The following KLHL1 variants were observed in gnomAD, a reference collection of about 807,000 sequenced individuals.
The protein encoded by KLHL1 is kelch like family member 1, also known as kelch-like protein 1.
KLHL1 carries 47 observed loss-of-function variants against 77.7 expected under a neutral mutation model. The ratio of observed to expected loss-of-function variants is 0.60; its 90% CI spans 0.48 to 0.77. The LOEUF is 0.77. Ranked by LOEUF, KLHL1 falls within the 30% of genes least tolerant of loss-of-function variation. KLHL1 has a pLI of 0.00. For missense variants in KLHL1, 925 were observed against 910.8 expected (o/e 1.02, Z -0.20); for synonymous variants, 360 against 325.2 (o/e 1.11, Z -1.15).
intron 6 of KLHL1, among the ~76,000 whole-genome samples, chr13:69,805,697 A>T (rs73212517): frequency 1.3e-5 from 2 of 150,720 alleles, no homozygotes; most frequent in South Asian, 2.1e-4. Context: ...AAAACAAAAA[A>T]AAAAACAAAA....
chr13:69,931,826 TA>T (rs1821674395), intron 4 of KLHL1, among the ~76,000 whole-genome samples: 1 of 151,748 alleles, frequency 6.6e-6, no homozygotes, highest in Admixed American at 6.6e-5. Context: ...GAAATTATGT[TA>T]CCTGTTAAAA....
At chr13:69,893,266 C>T (rs1186780046) in intron 4 of KLHL1, among the ~76,000 whole-genome samples, 1 of 142,068 alleles carries the variant, frequency 7.0e-6, no homozygotes, top group African/African-American at 2.6e-5. Flanking sequence ...CTCGCTCTGT[C>T]GCCCAGGCCG....
chr13:69,799,166 A>T (rs920902401), intron 6 of KLHL1, among the ~76,000 whole-genome samples: 1 of 152,156 alleles, frequency 6.6e-6, no homozygotes, highest in Non-Finnish European at 1.5e-5. Context: ...AGAAGAAAGT[A>T]ATCTAATCCT....
Position 69,864,623 on chromosome 13 carries a change from C to T in KLHL1, c.1227+17660G>A, listed in dbSNP as rs117542059. Among the ~76,000 whole-genome samples the T allele has an allele frequency of 5.0e-3, 765 of 152,190 alleles. 1 individual carries two copies. The highest frequency in any genetic ancestry group is 0.012 in the Admixed American group (189 of 15,266). On this transcript the variant is annotated intron_variant, in intron 5 of 10. Transcript: ENST00000377844. Reference sequence around the variant, plus strand: ...TACTGGTTCAAAAAAATTCCATACTCACAAGGTAAAGACTACTAATAAAGT... The same window carrying T: ...TACTGGTTCAAAAAAATTCCATACTTACAAGGTAAAGACTACTAATAAAGT...
intron 1 of KLHL1, among the ~76,000 whole-genome samples, chr13:70,001,135 G>T (rs1040232504): frequency 2.0e-5 from 3 of 150,890 alleles, no homozygotes; most frequent in Admixed American, 6.6e-5. Flanking sequence ...TTATTTTAGA[G>T]ATATTGTTAT....
chr13:70,102,965 T>C (rs1887959409), intron 1 of KLHL1, among the ~76,000 whole-genome samples: 1 of 152,156 alleles, frequency 6.6e-6, no homozygotes, highest in Non-Finnish European at 1.5e-5. Context: ...GGAAATTCAC[T>C]TACAGACAAA....
At chr13:69,839,207 T>A in intron 5 of KLHL1, 45 bp from the exon 6 acceptor site, 1 of 1,295,272 alleles carries the variant, frequency 7.7e-7, no homozygotes, top group East Asian at 2.4e-5. Flanking sequence ...TTCAAAGAGA[T>A]GAACATTATG....
intron 1 of KLHL1, among the ~76,000 whole-genome samples, chr13:70,016,516 C>A (rs1178161101): frequency 6.6e-6 from 1 of 152,224 alleles, no homozygotes; most frequent in African/African-American, 2.4e-5. Flanking sequence ...TGTGGCTAAG[C>A]CTGGGTGCTG....
intron 4 of KLHL1, among the ~76,000 whole-genome samples, chr13:69,893,327 CG>C (rs1881501004): frequency 6.6e-6 from 1 of 150,760 alleles, no homozygotes; most frequent in Non-Finnish European, 1.5e-5. Context: ...CTCCGCTTCC[CG>C]GGTTCACGCC....
intron 9 of KLHL1, among the ~76,000 whole-genome samples, chr13:69,714,477 A>T (rs9564592): frequency 3.3e-5 from 5 of 152,132 alleles, no homozygotes; most frequent in South Asian, 4.1e-4. Flanking sequence ...TACGCTTAAC[A>T]GTTCAAAACT....
intron 7 of KLHL1, among the ~76,000 whole-genome samples, chr13:69,782,448 G>A (rs942951929): frequency 4.6e-5 from 7 of 152,128 alleles, no homozygotes; most frequent in African/African-American, 7.2e-5. Flanking sequence ...CTGGAAAATC[G>A]GGTCACTCCC....
intron 8 of KLHL1, 85 bp from the exon 9 acceptor site, chr13:69,719,666 C>G: frequency 1.0e-6 from 1 of 967,770 alleles, no homozygotes; most frequent in Non-Finnish European, 1.6e-6. Flanking sequence ...TAAATTTTCA[C>G]AGTATGAGGC....
At chr13:69,707,525 G>T in intron 10 of KLHL1, 100 bp downstream of exon 10, 1 of 1,097,716 alleles carries the variant, frequency 9.1e-7, no homozygotes, top group Non-Finnish European at 1.3e-6. Context: ...TTTGGTTTAG[G>T]GTAATTAGAC....
chr13:70,091,536 T>G (rs1023535932), intron 1 of KLHL1, among the ~76,000 whole-genome samples: 1 of 152,194 alleles, frequency 6.6e-6, no homozygotes, highest in South Asian at 2.1e-4. Context: ...GGCAGCAAAA[T>G]TTTCAATTGT....
intron 9 of KLHL1, among the ~76,000 whole-genome samples, chr13:69,712,861 C>T (rs1286811617): frequency 2.0e-5 from 3 of 151,330 alleles, no homozygotes; most frequent in South Asian, 4.2e-4. Flanking sequence ...TGGCTCACCA[C>T]GACCTCTAGA....
chr13:69,742,299 T>C (rs1874020134), intron 7 of KLHL1, among the ~76,000 whole-genome samples: 1 of 152,196 alleles, frequency 6.6e-6, no homozygotes, highest in African/African-American at 2.4e-5. Context: ...AGACAAGAAC[T>C]ATCTCTCTGT....
intron 2 of KLHL1, among the ~76,000 whole-genome samples, chr13:69,962,352 G>C (rs997332361): frequency 1.3e-5 from 2 of 151,860 alleles, no homozygotes; most frequent in Non-Finnish European, 2.9e-5. Flanking sequence ...TAGTTCTTTT[G>C]ATTCTGCTAT....
intron 8 of KLHL1, among the ~76,000 whole-genome samples, chr13:69,722,285 C>G (rs1381991661): frequency 1.3e-5 from 2 of 151,770 alleles, no homozygotes; most frequent in Admixed American, 1.3e-4. Flanking sequence ...TAAAATAGTT[C>G]TAGGCAATAA....
chr13:69,884,451 G>C (rs899425549), intron 4 of KLHL1, among the ~76,000 whole-genome samples: 2 of 147,856 alleles, frequency 1.4e-5, no homozygotes, highest in Admixed American at 1.4e-4. Context: ...AAAAAACTAC[G>C]TGAAGCTAAA....
Sources: gnomAD v4.1 joint callset for allele counts (sites outside exome capture counted in the v4.1 genomes callset) on GRCh38, gnomAD v4.1.1 for gene constraint, MANE v1.5 for transcripts, NCBI Gene and HGNC (gene_info 2026-07-23, HGNC 2026-07-21) for gene names.